LPP: variants seen among roughly 807,000 people sequenced by gnomAD.
LPP encodes LIM domain containing preferred translocation partner in lipoma, also known as lipoma-preferred partner.
LPP carries 38 observed loss-of-function variants against 60.4 expected under a neutral mutation model. The observed-to-expected ratio is 0.63, with a 90% CI of 0.49 to 0.83. The LOEUF (loss-of-function observed/expected upper bound fraction) is 0.83, where lower values mean the gene tolerates loss of function less well. Ranked by LOEUF, LPP falls within the 40% of genes least tolerant of loss-of-function variation. The pLI, the probability that LPP is intolerant of heterozygous loss-of-function variation, is 0.00. For missense variants in LPP, 902 were observed against 783.6 expected, an observed-to-expected ratio of 1.15 and a Z score of -1.80; for synonymous variants, 328 against 290.8, an observed-to-expected ratio of 1.13 and a Z score of -1.30.
intron 8 of LPP, among the ~76,000 whole-genome samples, chr3:188,724,356 C>T (rs1286956620): frequency 2.0e-5 from 3 of 152,196 alleles, no homozygotes; most frequent in Non-Finnish European, 2.9e-5. Flanking sequence ...GATCTGTGCT[C>T]ATTCCATGAC....
At chr3:188,421,887 C>G (rs1430164163) in intron 4 of LPP, among the ~76,000 whole-genome samples, 3 of 152,116 alleles carry the variant, frequency 2.0e-5, no homozygotes, top group Non-Finnish European at 4.4e-5. Context: ...ATCTTACAGT[C>G]AAAAAGTGGT....
intron 9 of LPP, among the ~76,000 whole-genome samples, chr3:188,831,343 G>T (rs1267324519): frequency 2.0e-5 from 3 of 152,156 alleles, no homozygotes; most frequent in Non-Finnish European, 1.5e-5. Context: ...GGCTCAAAGG[G>T]TTCAGTCCCA....
chr3:188,327,166 T>G (rs1758654832), intron 2 of LPP, among the ~76,000 whole-genome samples: 1 of 152,202 alleles, frequency 6.6e-6, no homozygotes, highest in Non-Finnish European at 1.5e-5. Flanking sequence ...AGACTGATTC[T>G]TCTGCTCTTG....
chr3:188,290,481 A>G (rs183812565), intron 2 of LPP, among the ~76,000 whole-genome samples: 1 of 152,210 alleles, frequency 6.6e-6, no homozygotes, highest in African/African-American at 2.4e-5. Context: ...ATGTAGAACA[A>G]TGCTTGGCAC....
At chr3:188,528,316 C>T (rs8180005) in intron 6 of LPP, among the ~76,000 whole-genome samples, 1 of 152,064 alleles carries the variant, frequency 6.6e-6, no homozygotes, top group East Asian at 1.9e-4. Context: ...CATGAGCCAC[C>T]GTGCCCTGCC....
chr3:188,313,866 A>C (rs1045516653), intron 2 of LPP, among the ~76,000 whole-genome samples: 1 of 152,050 alleles, frequency 6.6e-6, no homozygotes, highest in Non-Finnish European at 1.5e-5. Context: ...TTAATTTTGT[A>C]GATATTTTCT....
chr3:188,327,490 A>G (rs1307867174), intron 2 of LPP, among the ~76,000 whole-genome samples: 1 of 152,198 alleles, frequency 6.6e-6, no homozygotes, highest in Non-Finnish European at 1.5e-5. Context: ...ACGTTAAAGA[A>G]ACAGGTTTGG....
At chr3:188,715,376 CAAAAAAAAAAAAAAAAAA>C (rs35761284) in intron 8 of LPP, among the ~76,000 whole-genome samples, 3 of 63,682 alleles carry the variant, frequency 4.7e-5, no homozygotes, top group East Asian at 2.4e-3. Flanking sequence ...GACTCCGTCT[CAAAAAAAAAAAAAAAAAA>C]AAAAAAAAAA....
rs144952623 is a variant in LPP, at chr3:188,864,545, G to A, written c.1411-1655G>A. Reference sequence around the variant, plus strand: ...AAGTATTGTAAGCAAACCAAATAAAGTGCTCAGGAATGGGAGAGAAAGAAG... The same window carrying A: ...AAGTATTGTAAGCAAACCAAATAAAATGCTCAGGAATGGGAGAGAAAGAAG... On this transcript the variant is annotated intron_variant, in intron 9 of 11. Coordinates refer to ENST00000617246, the MANE Select transcript of LPP (RefSeq NM_001375462.1). Among the ~76,000 whole-genome samples, 9 of 152,334 alleles carry A rather than the reference G, an allele frequency of 5.9e-5. 1 individual carries two copies. The highest frequency in any genetic ancestry group is 2.2e-4 in the African/African-American group (9 of 41,566).
intron 4 of LPP, among the ~76,000 whole-genome samples, chr3:188,483,330 T>C (rs1261011398): frequency 1.3e-5 from 2 of 152,310 alleles, no homozygotes; most frequent in East Asian, 3.9e-4. Context: ...TCCATTCTTA[T>C]ACTTCTATTT....
chr3:188,620,679 G>T (rs1845645044), intron 7 of LPP, among the ~76,000 whole-genome samples: 1 of 152,152 alleles, frequency 6.6e-6, no homozygotes, highest in Non-Finnish European at 1.5e-5. Context: ...TGGGATTGCT[G>T]AGTCACATGG....
chr3:188,777,757 A>G (rs752234948), intron 9 of LPP, among the ~76,000 whole-genome samples: 4 of 152,178 alleles, frequency 2.6e-5, no homozygotes, highest in Non-Finnish European at 5.9e-5. Flanking sequence ...TCTCTCTGAC[A>G]TCCAGAACAC....
chr3:188,722,145 G>C (rs539841870), intron 8 of LPP, among the ~76,000 whole-genome samples: 9 of 152,084 alleles, frequency 5.9e-5, no homozygotes, highest in Admixed American at 5.9e-4. Context: ...TTTATGAGAG[G>C]GTCACTGCCT....
chr3:188,211,195 C>T (rs193072920), intron 1 of LPP, among the ~76,000 whole-genome samples: 4 of 152,220 alleles, frequency 2.6e-5, no homozygotes, highest in Admixed American at 2.0e-4. Context: ...ATGTAAGCTA[C>T]ACAAGGAGCA....
At chr3:188,534,640 C>A (rs1173772809) in intron 6 of LPP, among the ~76,000 whole-genome samples, 1 of 152,138 alleles carries the variant, frequency 6.6e-6, no homozygotes, top group South Asian at 2.1e-4. Flanking sequence ...CTAGATATAA[C>A]CACAGCAAAT....
rs183969482 is a variant in LPP, at chr3:188,613,643, G to A, written c.1113+3799G>A. On this transcript the variant is annotated intron_variant, in intron 7 of 11. Coordinates refer to ENST00000617246, the MANE Select transcript of LPP (RefSeq NM_001375462.1). ...CTTGGAAAATATTTCAGGAAGATGA[G>A]ACCTTGGAGGTCAACTAACCATCTT... Among the ~76,000 whole-genome samples the A allele has an allele frequency of 2.4e-4, 37 of 152,168 alleles. 1 individual carries two copies. Among genetic ancestry groups the A allele is most frequent in the African/African-American group, 8.7e-4 (36 of 41,526 alleles).
At chr3:188,871,758 G>A (rs534077928) in intron 10 of LPP, among the ~76,000 whole-genome samples, 1 of 151,894 alleles carries the variant, frequency 6.6e-6, no homozygotes, top group East Asian at 1.9e-4. Flanking sequence ...CCAATTTCCA[G>A]AAGATACAGA....
At chr3:188,567,540 G>C (rs1274250941) in intron 6 of LPP, among the ~76,000 whole-genome samples, 1 of 151,888 alleles carries the variant, frequency 6.6e-6, no homozygotes, top group Non-Finnish European at 1.5e-5. Context: ...TGTAAAGTGT[G>C]TCTAAAGTGC....
chr3:188,805,980 G>T (rs1386180782), intron 9 of LPP, among the ~76,000 whole-genome samples: 1 of 151,766 alleles, frequency 6.6e-6, no homozygotes, highest in African/African-American at 2.4e-5. Context: ...GTTGAGGTTT[G>T]TTTTATGTGC....
Sources: gnomAD v4.1 joint callset for allele counts (sites outside exome capture counted in the v4.1 genomes callset) on GRCh38, gnomAD v4.1.1 for gene constraint, MANE v1.5 for transcripts, NCBI Gene and HGNC (gene_info 2026-07-23, HGNC 2026-07-21) for gene names.